Variants in ROBO2 observed in about 807,000 individuals in gnomAD.
ROBO2 encodes roundabout guidance receptor 2, also known as roundabout homolog 2.
In ROBO2, 53 loss-of-function variants were observed where a neutral mutation model predicts 160.8. The observed-to-expected ratio is 0.33, with a 90% CI of 0.26 to 0.41. The LOEUF is 0.41. Among genes scored for constraint, ROBO2 ranks in the 10% least tolerant of loss-of-function variants. ROBO2 has a pLI of 1.00. For missense variants in ROBO2, 1,577 were observed against 1,722.4 expected (o/e 0.92, Z 1.49); for synonymous variants, 664 against 611.7 (o/e 1.09, Z -1.26).
chr3:77,501,940 G>T (rs1185376716), intron 5 of ROBO2, among the ~76,000 whole-genome samples: 1 of 152,046 alleles, frequency 6.6e-6, no homozygotes, highest in Non-Finnish European at 1.5e-5. Context: ...GTTTCTGACT[G>T]CATTTTCCTT....
chr3:76,040,826 A>G (rs1042112570), intron 2 of ROBO2, among the ~76,000 whole-genome samples: 2 of 151,898 alleles, frequency 1.3e-5, no homozygotes, highest in Admixed American at 6.6e-5. Context: ...TGTCTCTACT[A>G]AAAATACAAA....
chr3:76,614,803 C>T (rs754243808), intron 2 of ROBO2, among the ~76,000 whole-genome samples: 24 of 152,158 alleles, frequency 1.6e-4, no homozygotes, highest in Admixed American at 3.9e-4. Flanking sequence ...AAACTTGTCA[C>T]GGGTTATTAA....
chr3:77,160,525 A>T (rs534202312), intron 2 of ROBO2, among the ~76,000 whole-genome samples: 1 of 152,288 alleles, frequency 6.6e-6, no homozygotes, highest in East Asian at 1.9e-4. Flanking sequence ...TATCCTTATA[A>T]TTATGTCAGA....
At chr3:76,316,399 C>T (rs757318106) in intron 2 of ROBO2, among the ~76,000 whole-genome samples, 3 of 152,188 alleles carry the variant, frequency 2.0e-5, no homozygotes, top group South Asian at 2.1e-4. Context: ...TTAGTGATAT[C>T]GCTCCTACTT....
intron 17 of ROBO2, among the ~76,000 whole-genome samples, chr3:77,592,537 GTA>G (rs923295368): frequency 6.6e-6 from 1 of 151,584 alleles, no homozygotes; most frequent in Non-Finnish European, 1.5e-5. Flanking sequence ...CATTATGTGT[GTA>G]TATATATATA....
At chr3:77,118,582 A>G (rs1166842954) in intron 2 of ROBO2, among the ~76,000 whole-genome samples, 1 of 152,154 alleles carries the variant, frequency 6.6e-6, no homozygotes, top group Admixed American at 6.6e-5. Context: ...TTGATGCCCA[A>G]GTTTCCTTTT....
intron 2 of ROBO2, among the ~76,000 whole-genome samples, chr3:76,928,439 TAA>T (rs771199348): frequency 5.1e-4 from 76 of 147,728 alleles, no homozygotes; most frequent in Non-Finnish European, 4.9e-4. Flanking sequence ...TGTGTGCTAC[TAA>T]GTTTATGATA....
intron 2 of ROBO2, among the ~76,000 whole-genome samples, chr3:76,394,379 C>A (rs2077314007): frequency 6.6e-6 from 1 of 152,048 alleles, no homozygotes; most frequent in Admixed American, 6.6e-5. Context: ...TTCTCCTTCA[C>A]TTATGAAGCT....
chr3:76,982,350 A>G (rs1179059801), intron 2 of ROBO2, among the ~76,000 whole-genome samples: 13 of 152,230 alleles, frequency 8.5e-5, no homozygotes, highest in Admixed American at 2.0e-4. Context: ...CTAATCAAAT[A>G]CTATTGCACC....
At chr3:76,947,572 C>A (rs570671573) in intron 2 of ROBO2, among the ~76,000 whole-genome samples, 49 of 152,078 alleles carry the variant, frequency 3.2e-4, no homozygotes, top group Non-Finnish European at 6.0e-4. Context: ...TCTTAGTTAA[C>A]AATTTCAAAT....
chr3:77,166,854 C>T (rs9866691), intron 2 of ROBO2, among the ~76,000 whole-genome samples: 61,954 of 152,094 alleles, frequency 0.41, 13,161 homozygotes, highest in Middle Eastern at 0.54. Context: ...CCCCCGCGCC[C>T]GGCCGACACA....
At chr3:76,673,716 G>T (rs147695365) in intron 2 of ROBO2, among the ~76,000 whole-genome samples, 6 of 150,326 alleles carry the variant, frequency 4.0e-5, no homozygotes, top group South Asian at 2.1e-4. Context: ...CAATAGGATC[G>T]TTTTTTTTTA....
chr3:76,963,845 A>AG (rs989736220), intron 2 of ROBO2, among the ~76,000 whole-genome samples: 3 of 150,642 alleles, frequency 2.0e-5, no homozygotes, highest in Admixed American at 6.6e-5. Context: ...GCAAAAAAAA[A>AG]AAAAGAAAAA....
chr3:76,083,809 A>T (rs534580133), intron 2 of ROBO2, among the ~76,000 whole-genome samples: 25 of 152,106 alleles, frequency 1.6e-4, no homozygotes, highest in African/African-American at 5.3e-4. Flanking sequence ...TCTCAGGTGC[A>T]CACCCTTTTC....
chr3:76,535,017 T>TG (rs933965312), intron 2 of ROBO2, among the ~76,000 whole-genome samples: 3 of 151,894 alleles, frequency 2.0e-5, no homozygotes, highest in African/African-American at 7.3e-5. Flanking sequence ...CCTGAAACCT[T>TG]GGGGTAGGAC....
At chr3:76,213,955 G>C (rs1220938163) in intron 2 of ROBO2, among the ~76,000 whole-genome samples, 6 of 152,068 alleles carry the variant, frequency 3.9e-5, no homozygotes, top group Non-Finnish European at 8.8e-5. Context: ...ATATACATAA[G>C]AGGAGATGGA....
intron 2 of ROBO2, among the ~76,000 whole-genome samples, chr3:76,796,482 GGGAAGGAAGGAA>G (rs149627183): frequency 1.5e-5 from 2 of 137,156 alleles, no homozygotes; most frequent in Admixed American, 7.6e-5. Context: ...GAAGGAAGGA[GGGAAGGAAGGAA>G]GGAAGGAAAG....
chr3:77,199,417 CG>C (rs1464068259), intron 2 of ROBO2, among the ~76,000 whole-genome samples: 1 of 152,054 alleles, frequency 6.6e-6, no homozygotes, highest in East Asian at 1.9e-4. Context: ...CTTTAAATGA[CG>C]GTGGTCAGGA....
rs763113953 is a variant in ROBO2 at position 76,434,248 on chromosome 3, G to A, written c.109+496646G>A. On this transcript the variant is annotated intron_variant, in intron 2 of 26. Transcript: ENST00000487694. Reference sequence around the variant, plus strand: ...GTCCACACAGGTTTGACGTTGGAGCGAGCGCTGTTGGTTACAGATTCTCAG... The same window carrying A: ...GTCCACACAGGTTTGACGTTGGAGCAAGCGCTGTTGGTTACAGATTCTCAG... The A allele has an allele frequency of 2.4e-4, 243 of 1,003,882 alleles. 3 individuals are homozygous for A. The highest frequency in any genetic ancestry group is 1.8e-3 in the South Asian group (138 of 78,790). The allele number at this position is 1,003,882 out of a possible 1,614,324, so 62.2% of individuals were successfully genotyped here. A position where few individuals can be genotyped will look rare whatever the true frequency, so the allele number is the denominator to read the frequency against.
Sources: gnomAD v4.1 joint callset for allele counts (sites outside exome capture counted in the v4.1 genomes callset) on GRCh38, gnomAD v4.1.1 for gene constraint, MANE v1.5 for transcripts, NCBI Gene and HGNC (gene_info 2026-07-23, HGNC 2026-07-21) for gene names.